Variants in ANO4 observed in about 807,000 individuals in gnomAD.
ANO4 encodes the protein anoctamin 4, also known as anoctamin-4.
ANO4 carries 69 observed loss-of-function variants against 141.9 expected under a neutral mutation model. The ratio of observed to expected loss-of-function variants is 0.49; its 90% CI spans 0.40 to 0.59. The LOEUF (loss-of-function observed/expected upper bound fraction) is 0.59. Among genes scored for constraint, ANO4 ranks in the 20% least tolerant of loss-of-function variants. The pLI is 0.00. For missense variants in ANO4, 894 were observed against 1,162.2 expected (o/e 0.77, Z 3.36); for synonymous variants, 350 against 394.3 (o/e 0.89, Z 1.33).
chr12:101,037,124 T>G lies in ANO4; in HGVS notation c.871T>G (p.Tyr291Asp), dbSNP rs201831622. Residue 291 changes from tyrosine (Y) to aspartate (D), a missense_variant, in exon 10 of 28, where the codon TAT (tyrosine) becomes GAT (aspartate). Around this residue, in one of 2 missense-constraint regions of ANO4, gnomAD observed 637 missense variants for 909.2 expected, o/e 0.70. Coordinates refer to ENST00000392977, the MANE Select transcript of ANO4 (RefSeq NM_001286615.2). ...GAATCGTTTGCTTACCAATGGCTCC[T>G]ATGAAGCTGCGTTTCCCCTGCATGA... is the stretch of plus-strand genomic sequence containing the variant. Reference protein sequence around the residue: ...GLNRLLTNGSYEAAFPLHEGS... With the variant: ...GLNRLLTNGSDEAAFPLHEGS... 1 of 1,613,968 alleles carries G rather than the reference T, an allele frequency of 6.2e-7. No homozygotes were observed. The highest frequency in any genetic ancestry group is 8.5e-7 in the Non-Finnish European group (1 of 1,179,954).
chr12:101,048,031 T>A lies in ANO4; in HGVS notation c.1252-310T>A, dbSNP rs78466009. The A allele has an allele frequency of 8.8e-4, 990 of 1,119,990 alleles. 8 individuals are homozygous for A. In the East Asian group the frequency reaches 0.019, roughly 22 times the overall value. The allele number at this position is 1,119,990 out of a possible 1,614,324, so 69.4% of individuals were successfully genotyped here. On this transcript the variant is annotated intron_variant, in intron 13 of 27. Transcript: ENST00000392977. ...CTAAATATAACTATATCCATACACA[T>A]ATGTACGTGTATAAGAGTTTTGTTG...
At chr12:101,038,994 T>G (rs1296973042) in intron 10 of ANO4, 1 of 152,230 alleles carries the variant, frequency 6.6e-6, no homozygotes, top group Non-Finnish European at 1.5e-5. Flanking sequence ...GTACCGTTTC[T>G]CTTTGTGAAA....
chr12:100,788,771 G>C (rs576818660), intron 3 of ANO4, among the ~76,000 whole-genome samples: 30 of 152,198 alleles, frequency 2.0e-4, no homozygotes, highest in African/African-American at 6.5e-4. Context: ...AGAAGAAACA[G>C]TCCTTGCCTG....
Position 100,756,644 on chromosome 12 carries a change from G to A in ANO4, c.358+16539G>A, listed in dbSNP as rs1026895186. Among the ~76,000 whole-genome samples the A allele has an allele frequency of 2.6e-5, 4 of 152,212 alleles. No individual in the cohort carries two copies. In the South Asian group the frequency reaches 6.2e-4, roughly 24 times the overall value. Reference sequence around the variant, plus strand: ...ATTACAGGCATGAGCCACTGCGCCCGGCCTCAACTTGTTTTTTTCACTTGT... The same window carrying A: ...ATTACAGGCATGAGCCACTGCGCCCAGCCTCAACTTGTTTTTTTCACTTGT... On this transcript the variant is annotated intron_variant, in intron 3 of 29. Transcript: ENST00000644049.
At chr12:100,940,630 TC>T (rs2042470910) in intron 4 of ANO4, among the ~76,000 whole-genome samples, 1 of 152,190 alleles carries the variant, frequency 6.6e-6, no homozygotes, top group African/African-American at 2.4e-5. Context: ...ACATGGTCAT[TC>T]CATTTCCCCA....
At chr12:100,918,974 C>T (rs1430949106) in intron 2 of ANO4, among the ~76,000 whole-genome samples, 2 of 151,812 alleles carry the variant, frequency 1.3e-5, no homozygotes, top group Non-Finnish European at 2.9e-5. Flanking sequence ...TAGGCCTAGG[C>T]TAATGTGTGT....
At chr12:100,770,348 A>C (rs1414471653) in intron 3 of ANO4, among the ~76,000 whole-genome samples, 1 of 152,240 alleles carries the variant, frequency 6.6e-6, no homozygotes, top group East Asian at 1.9e-4. Context: ...TAGACACTAA[A>C]GTTTGAAAAT....
chr12:100,990,967 G>A (rs183674111), intron 8 of ANO4, among the ~76,000 whole-genome samples: 191 of 152,272 alleles, frequency 1.3e-3, no homozygotes, highest in Non-Finnish European at 2.1e-3. Flanking sequence ...TTTGAAAAAA[G>A]AGAGTGATCA....
intron 3 of ANO4, among the ~76,000 whole-genome samples, chr12:100,932,106 T>C (rs1765538345): frequency 6.6e-6 from 1 of 152,000 alleles, no homozygotes; most frequent in South Asian, 2.1e-4. Context: ...ACTGGCGCTC[T>C]AGAGAATGAA....
intron 3 of ANO4, among the ~76,000 whole-genome samples, chr12:100,778,796 G>T (rs969325594): frequency 6.6e-6 from 1 of 152,208 alleles, no homozygotes; most frequent in Non-Finnish European, 1.5e-5. Flanking sequence ...GCACAGAAAT[G>T]TTGAGAGAAT....
intron 22 of ANO4, among the ~76,000 whole-genome samples, chr12:101,108,728 T>G (rs1024193192): frequency 6.6e-6 from 1 of 152,276 alleles, no homozygotes; most frequent in East Asian, 1.9e-4. Flanking sequence ...AAATTTTATT[T>G]TTTTATTTTC....
chr12:100,943,232 A>G (rs548635786), intron 5 of ANO4, among the ~76,000 whole-genome samples: 7 of 152,338 alleles, frequency 4.6e-5, no homozygotes, highest in African/African-American at 1.7e-4. Flanking sequence ...TGGCCCGTTA[A>G]CTGAATTATG....
intron 1 of ANO4, among the ~76,000 whole-genome samples, chr12:100,871,578 A>T (rs1410336139): frequency 2.0e-5 from 3 of 152,212 alleles, no homozygotes; most frequent in Admixed American, 2.0e-4. Flanking sequence ...AGGACTGTTA[A>T]TTATTCACCA....
upstream of ANO4, among the ~76,000 whole-genome samples, chr12:100,791,193 A>T (rs1392359031): frequency 1.3e-5 from 2 of 152,086 alleles, no homozygotes; most frequent in Non-Finnish European, 2.9e-5. Flanking sequence ...AGCCTGGGCA[A>T]CACGGTGAAA....
At position 100,764,361 on chromosome 12, in the gene ANO4, C is replaced by T. The variant is rs549849327; in HGVS notation, c.358+24256C>T. ...CCACAAGAAGTTTACTTTGCTCTGC[C>T]GTCAGGACATCAGTAATGTGTTTAT... On this transcript the variant is annotated intron_variant, in intron 3 of 29. Transcript: ENST00000644049. 1.1e-4 allele frequency among the ~76,000 whole-genome samples: 16 copies of T among 152,216 alleles called. No individual in the cohort carries two copies. In the South Asian group the frequency reaches 2.1e-3, roughly 20 times the overall value.
intron 5 of ANO4, among the ~76,000 whole-genome samples, chr12:100,943,315 A>G (rs1334711354): frequency 6.6e-6 from 1 of 152,194 alleles, no homozygotes; most frequent in East Asian, 1.9e-4. Context: ...AGAACAACAC[A>G]TTGGTAATTT....
At chr12:101,105,498 G>C (rs1273825780) in intron 22 of ANO4, among the ~76,000 whole-genome samples, 1 of 152,186 alleles carries the variant, frequency 6.6e-6, no homozygotes, top group Non-Finnish European at 1.5e-5. Flanking sequence ...TCAGATGGTT[G>C]GTCAAATTTG....
chr12:100,819,136 G>T (rs2035898350), intron 1 of ANO4, among the ~76,000 whole-genome samples: 1 of 151,308 alleles, frequency 6.6e-6, no homozygotes, highest in South Asian at 2.1e-4. Flanking sequence ...TGTCTAGTAG[G>T]TGTTTAAATG....
At chr12:100,851,832 A>T (rs543798386) in intron 1 of ANO4, among the ~76,000 whole-genome samples, 1 of 152,056 alleles carries the variant, frequency 6.6e-6, no homozygotes, top group Non-Finnish European at 1.5e-5. Flanking sequence ...AACGTACCTG[A>T]TGCTCCAAGC....
Sources: allele counts gnomAD v4.1 joint callset (sites outside exome capture counted in the v4.1 genomes callset), GRCh38; gene constraint gnomAD v4.1.1; regional missense constraint gnomAD v4.1.1; transcripts MANE v1.5; gene names NCBI Gene and HGNC (gene_info 2026-07-23, HGNC 2026-07-21).